MTHFD1: variants seen among roughly 807,000 people sequenced by gnomAD.
MTHFD1 encodes the protein methylenetetrahydrofolate dehydrogenase, cyclohydrolase and formyltetrahydrofolate synthetase 1.
A neutral mutation model predicts 110.3 loss-of-function variants in MTHFD1; 44 were observed. The ratio of observed to expected loss-of-function variants is 0.40; its 90% CI spans 0.31 to 0.51. The LOEUF (loss-of-function observed/expected upper bound fraction) is 0.51, where lower values mean the gene tolerates loss of function less well. Among genes scored for constraint, MTHFD1 ranks in the 20% least tolerant of loss-of-function variants. The pLI, the probability that MTHFD1 is intolerant of heterozygous loss-of-function variation, is 0.60. For missense variants in MTHFD1, 909 were observed against 1,173.1 expected (o/e 0.77, Z 3.29); for synonymous variants, 402 against 428.8 (o/e 0.94, Z 0.77).
In MTHFD1 at chr14:64,431,546, C is replaced by CA; in HGVS notation, c.1327dup (p.Thr443AsnfsTer3). The stretch of plus-strand genomic sequence containing the variant: ...TTCTTTTGTAGTTTAATCTCCACCT[C>CA]ACAGGTGACATCCATGCCATCACTG... On this transcript the variant is annotated frameshift_variant, in exon 14 of 28. Transcript: ENST00000652337. LOFTEE classifies it high-confidence loss of function. 1 of 1,613,936 alleles carries CA rather than the reference C, an allele frequency of 6.2e-7. No individual in the cohort carries two copies. The highest frequency in any genetic ancestry group is 1.1e-5 in the South Asian group (1 of 91,082).
chr14:64,412,634 A>ATT (rs10678665), intron 4 of MTHFD1, 109 bp downstream of exon 4: 77,002 of 469,084 alleles, frequency 0.16, 3,974 homozygotes, highest in African/African-American at 0.2. Flanking sequence ...ACCTCCAGGT[A>ATT]TTTTTTTTTT....
chr14:64,432,487 T>C (rs529036137), intron 15 of MTHFD1, among the ~76,000 whole-genome samples: 1 of 152,316 alleles, frequency 6.6e-6, no homozygotes, highest in South Asian at 2.1e-4. Context: ...ATGTCTTTCA[T>C]TGGATGAATA....
chr14:64,440,443 G>A, intron 18 of MTHFD1, 177 bp downstream of exon 18: 1 of 778,468 alleles, frequency 1.3e-6, no homozygotes. Flanking sequence ...AAGTACATCA[G>A]AGTGAATAAT....
intron 2 of MTHFD1, among the ~76,000 whole-genome samples, chr14:64,405,706 C>T (rs1183691527): frequency 1.3e-5 from 2 of 152,186 alleles, no homozygotes; most frequent in East Asian, 3.8e-4. Flanking sequence ...CTATAGTTAC[C>T]TGCTTAATGA....
intron 3 of MTHFD1, among the ~76,000 whole-genome samples, chr14:64,411,595 A>AT (rs1183331303): frequency 5.3e-5 from 8 of 152,132 alleles, no homozygotes; most frequent in Non-Finnish European, 1.2e-4. Flanking sequence ...GTGAATCTGC[A>AT]TTTTTTACAT....
chr14:64,396,448 A>G (rs1444530871), intron 1 of MTHFD1, among the ~76,000 whole-genome samples: 1 of 143,736 alleles, frequency 7.0e-6, no homozygotes, highest in African/African-American at 2.6e-5. Flanking sequence ...CTGGAGTGCA[A>G]TGGCGCGATC....
intron 15 of MTHFD1, 73 bp downstream of exon 15, chr14:64,431,934 G>A (rs2078163598): frequency 5.1e-6 from 7 of 1,365,782 alleles, no homozygotes; most frequent in Non-Finnish European, 7.3e-6. Flanking sequence ...GGACATAAAA[G>A]TCTTCTTGGA....
chr14:64,453,706 C>T (rs1208648785), intron 24 of MTHFD1, 48 bp from the exon 25 acceptor site: 2 of 1,145,228 alleles, frequency 1.7e-6, no homozygotes, highest in African/African-American at 1.5e-5. Context: ...GTTAAATGTC[C>T]TCACATGTGT....
At chr14:64,458,073 A>G (rs1261327449) in intron 26 of MTHFD1, 141 bp from the exon 27 acceptor site, 4 of 751,842 alleles carry the variant, frequency 5.3e-6, no homozygotes, top group African/African-American at 1.7e-5. Context: ...TATTTCCTGT[A>G]GAGATGGGGG....
At chr14:64,411,497 A>G (rs989195760) in intron 3 of MTHFD1, among the ~76,000 whole-genome samples, 1 of 152,196 alleles carries the variant, frequency 6.6e-6, no homozygotes, top group Non-Finnish European at 1.5e-5. Flanking sequence ...CCAAATTTAA[A>G]GAGGAAAGGG....
chr14:64,456,951 T>C (rs1040569682), intron 26 of MTHFD1, among the ~76,000 whole-genome samples: 1 of 152,222 alleles, frequency 6.6e-6, no homozygotes, highest in Admixed American at 6.5e-5. Context: ...ATATAGGACA[T>C]TGTTACAGAT....
In MTHFD1 at chr14:64,416,574, A is replaced by G. The variant is rs1193176805; in HGVS notation, c.478+835A>G. On this transcript the variant is annotated intron_variant, in intron 6 of 27. Coordinates refer to ENST00000652337, the MANE Select transcript of MTHFD1 (RefSeq NM_005956.4). ...TTTTAATTTCATTATGAATACTTTTAGCAGAGGTTATTTTTTACAAGGAAA... is the reference window on the plus strand; with the variant it reads ...TTTTAATTTCATTATGAATACTTTTGGCAGAGGTTATTTTTTACAAGGAAA... Among the ~76,000 whole-genome samples the G allele has an allele frequency of 4.6e-5, 7 of 152,152 alleles. No individual in the cohort carries two copies. In the South Asian group the frequency reaches 1.5e-3, roughly 32 times the overall value.
intron 23 of MTHFD1, 36 bp downstream of exon 23, chr14:64,448,353 G>GA (rs771162915): frequency 6.8e-7 from 1 of 1,469,030 alleles, no homozygotes; most frequent in Non-Finnish European, 9.5e-7. Context: ...GATGAATGTG[G>GA]AAAATCTCCT....
intron 23 of MTHFD1, chr14:64,449,145 T>C: frequency 2.3e-6 from 1 of 434,310 alleles, no homozygotes; most frequent in East Asian, 5.0e-5. Context: ...TCTGGAGTGC[T>C]GGGAATTTTC....
At chr14:64,402,772 G>A (rs1029239561) in intron 2 of MTHFD1, among the ~76,000 whole-genome samples, 2 of 150,466 alleles carry the variant, frequency 1.3e-5, no homozygotes, top group Non-Finnish European at 2.9e-5. Flanking sequence ...TCATGCCACT[G>A]TACTCCAGCT....
intron 21 of MTHFD1, among the ~76,000 whole-genome samples, chr14:64,443,021 C>T (rs2078260577): frequency 6.6e-6 from 1 of 152,148 alleles, no homozygotes. Context: ...TTCTTTAGGG[C>T]CTACATGAAA....
At position 64,419,912 on chromosome 14, in the gene MTHFD1, C is replaced by T. The variant is rs779801406; in HGVS notation, c.714C>T (p.Ile238=). The T allele has an allele frequency of 6.2e-7, 1 of 1,612,254 alleles. No individual in the cohort carries two copies. Among genetic ancestry groups the T allele is most frequent in the Middle Eastern group, 1.7e-4 (1 of 6,060 alleles). ...KPGAIVIDCG[I]NYVPDDKKPN... is the part of the protein sequence containing the mutation. The stretch of plus-strand genomic sequence containing the variant: ...GGGCAATAGTCATCGACTGTGGAAT[C>T]AATTATGTCCCAGGTGAGTGTTGTT... Residue 238 remains isoleucine, a synonymous_variant, in exon 8 of 28, where the codon ATC becomes ATT. Transcript: ENST00000652337.
rs1484683284 is a variant in MTHFD1 at position 64,430,170 on chromosome 14, G to C, written c.1265-14G>C. Reference sequence around the variant, plus strand: ...CATGCTTAACTGAGCTTCCACCCTTGACCTGTCCCCTAGGTGGCGCTGCAG... The same window carrying C: ...CATGCTTAACTGAGCTTCCACCCTTCACCTGTCCCCTAGGTGGCGCTGCAG... On this transcript the variant is annotated splice_polypyrimidine_tract_variant and intron_variant, in intron 12 of 27. Transcript: ENST00000652337. The C allele has an allele frequency of 6.2e-7, 1 of 1,613,248 alleles. No individual in the cohort carries two copies. Among genetic ancestry groups the C allele is most frequent in the African/African-American group, 1.3e-5 (1 of 74,888 alleles).
At chr14:64,458,132 C>T (rs924781039) in intron 26 of MTHFD1, 82 bp from the exon 27 acceptor site, 16 of 1,101,994 alleles carry the variant, frequency 1.5e-5, no homozygotes, top group Non-Finnish European at 2.1e-5. Flanking sequence ...CTCAAGTGAT[C>T]CTCTCCACCT....
Sources: allele counts gnomAD v4.1 joint callset (sites outside exome capture counted in the v4.1 genomes callset), GRCh38; gene constraint gnomAD v4.1.1; transcripts MANE v1.5; gene names NCBI Gene and HGNC (gene_info 2026-07-23, HGNC 2026-07-21).